Variants in CAPN3 observed in about 807,000 individuals in gnomAD.
The protein encoded by CAPN3 is calpain 3.
Under a neutral mutation model 114.0 loss-of-function variants are expected in CAPN3, and 88 were observed. The observed-to-expected ratio is 0.77, with a 90% CI of 0.65 to 0.92. The LOEUF (loss-of-function observed/expected upper bound fraction) is 0.92. CAPN3 is among the 40% of genes least tolerant of loss of function. The probability of loss-of-function intolerance (pLI) is 0.00; values close to 1 mark genes in which losing one functional copy is unlikely to be tolerated. For missense variants in CAPN3, 1,028 were observed against 1,069.0 expected, an observed-to-expected ratio of 0.96 and a Z score of 0.53; for synonymous variants, 386 against 382.9, an observed-to-expected ratio of 1.01 and a Z score of -0.09.
intron 2 of CAPN3, 170 bp from the exon 3 acceptor site, chr15:42,385,997 C>T: frequency 1.3e-6 from 1 of 748,384 alleles, no homozygotes; most frequent in Non-Finnish European, 2.5e-6. Context: ...AATTCCTGTC[C>T]AATTCTCCTT....
intron 8 of CAPN3, 62 bp downstream of exon 8, chr15:42,394,403 G>A (rs1036618568): frequency 1.0e-5 from 13 of 1,285,580 alleles, no homozygotes; most frequent in Non-Finnish European, 1.2e-5. Flanking sequence ...ACAAGGCTGT[G>A]TTGGGAACTG....
chr15:42,393,655 A>G (rs2053616366), intron 7 of CAPN3, among the ~76,000 whole-genome samples: 2 of 147,316 alleles, frequency 1.4e-5, no homozygotes, highest in South Asian at 4.3e-4. Flanking sequence ...GTGTAGTGGC[A>G]CAGTCTCGGC....
chr15:42,369,866 C>CT (rs1318171834), intron 1 of CAPN3, among the ~76,000 whole-genome samples: 8 of 137,936 alleles, frequency 5.8e-5, no homozygotes, highest in African/African-American at 1.5e-4. Context: ...TTCTTTCTTT[C>CT]TTTCTTTTTT....
chr15:42,401,591 T>C (rs1304867373), intron 10 of CAPN3, 50 bp from the exon 11 acceptor site: 4 of 1,544,852 alleles, frequency 2.6e-6, no homozygotes, highest in South Asian at 2.2e-5. Flanking sequence ...ATCCCCTTCC[T>C]GCCCTCTGAG....
At chr15:42,402,366 C>T (rs937071776) in intron 12 of CAPN3, 18 of 1,465,082 alleles carry the variant, frequency 1.2e-5, no homozygotes, top group Non-Finnish European at 1.5e-5. Context: ...CACTGCACGT[C>T]ACACACATGC....
chr15:42,395,660 G>C (rs1352564919), intron 8 of CAPN3, among the ~76,000 whole-genome samples: 1 of 152,184 alleles, frequency 6.6e-6, no homozygotes, highest in Non-Finnish European at 1.5e-5. Context: ...TCCAGCCTCA[G>C]AGCTTGGTGT....
At position 42,399,736 on chromosome 15, in the gene CAPN3, T is replaced by A. The variant is rs891955964; in HGVS notation, c.1354+84T>A. The A allele has an allele frequency of 4.3e-5, 50 of 1,149,540 alleles. 1 individual carries two copies. The highest frequency in any genetic ancestry group is 6.0e-5 in the Non-Finnish European group (49 of 813,588). The allele number at this position is 1,149,540 out of a possible 1,614,324, so 71.2% of individuals were successfully genotyped here. On this transcript the variant is annotated intron_variant, in intron 10 of 23. Coordinates refer to ENST00000397163, the MANE Select transcript of CAPN3 (RefSeq NM_000070.3). ...GCCTAACTAGTGCTTATTAAGTCTC[T>A]CTGTTCCAGACGTCCACTATCTTAT...
At chr15:42,406,500 CCT>C (rs1037165035) in intron 15 of CAPN3, among the ~76,000 whole-genome samples, 14 of 152,096 alleles carry the variant, frequency 9.2e-5, no homozygotes, top group African/African-American at 3.1e-4. Context: ...GGGGTCAGTC[CCT>C]CTCTTTTTTT....
chr15:42,366,851 T>TTTTG (rs2052797240), intron 1 of CAPN3, among the ~76,000 whole-genome samples: 1 of 149,346 alleles, frequency 6.7e-6, no homozygotes, highest in East Asian at 1.9e-4. Flanking sequence ...TTTTTTTTTT[T>TTTTG]GAGACAGGGT....
In CAPN3 at chr15:42,359,720, A is replaced by G. The variant is rs1289240159; in HGVS notation, c.-86A>G. 8 of 1,600,580 alleles carry G rather than the reference A, an allele frequency of 5.0e-6. No homozygotes were observed. In the Admixed American group the frequency reaches 1.4e-4, roughly 28 times the overall value. Reference sequence around the variant, plus strand: ...TCTCTCAGATGACAGAATTACTCCAACTTCCCCTTTGCAGTTGCTTCCTTT... The same window carrying G: ...TCTCTCAGATGACAGAATTACTCCAGCTTCCCCTTTGCAGTTGCTTCCTTT... On this transcript the variant is annotated 5_prime_UTR_variant, in exon 1 of 24. Coordinates refer to ENST00000397163, the MANE Select transcript of CAPN3 (RefSeq NM_000070.3).
At chr15:42,393,616 C>CG (rs1284027856) in intron 7 of CAPN3, among the ~76,000 whole-genome samples, 3 of 138,886 alleles carry the variant, frequency 2.2e-5, no homozygotes, top group African/African-American at 8.3e-5. Context: ...TTTTTTGAGA[C>CG]GGAGTCTCAC....
rs756657325 is a variant in CAPN3 at position 42,401,800 on chromosome 15, C to T, written c.1514C>T (p.Ala505Val). 9 of 1,613,304 alleles carry T rather than the reference C, an allele frequency of 5.6e-6. No individual in the cohort carries two copies. Among genetic ancestry groups the T allele is most frequent in the Middle Eastern group, 3.3e-4 (2 of 6,060 alleles). ...GCCAGTCTCTTCACCATTGGCTTCG[C>T]CATCTACGAGGTGTGCAGTCCTGAT... is the stretch of plus-strand genomic sequence containing the variant. The part of the protein sequence containing the change: ...LGASLFTIGF[A>V]IYEVPKEMHG... The change falls in exon 11 of 24, where the codon GCC becomes GTC. Residue 505 changes from alanine to valine, a missense_variant. By Grantham distance (64) the Ala-to-Val change is moderately conservative. Transcript: ENST00000397163.
intron 1 of CAPN3, among the ~76,000 whole-genome samples, chr15:42,361,676 C>A (rs1302916981): frequency 6.6e-6 from 1 of 152,136 alleles, no homozygotes; most frequent in African/African-American, 2.4e-5. Context: ...CCTCTCTCGG[C>A]CCCCACTGCC....
chr15:42,394,376 G>A lies in CAPN3; in HGVS notation c.1115+35G>A, dbSNP rs765694486. 25 of 1,496,032 alleles carry A rather than the reference G, an allele frequency of 1.7e-5. No individual in the cohort carries two copies. In the East Asian group the frequency reaches 2.0e-4, roughly 12 times the overall value. The allele number at this position is 1,496,032 out of a possible 1,614,324, so 92.7% of individuals were successfully genotyped here. ...GGGACCCCACGGGATTGGCGGTGGC[G>A]GGGAACAGGGTCCGGGACAAGGCTG... On this transcript the variant is annotated intron_variant, in intron 8 of 23. Coordinates refer to ENST00000397163, the MANE Select transcript of CAPN3 (RefSeq NM_000070.3).
intron 1 of CAPN3, among the ~76,000 whole-genome samples, chr15:42,372,457 C>G (rs1220595441): frequency 2.6e-5 from 4 of 152,192 alleles, no homozygotes; most frequent in Admixed American, 6.5e-5. Context: ...CTGCGCCCAG[C>G]CTGCCTTGAA....
intron 8 of CAPN3, among the ~76,000 whole-genome samples, chr15:42,396,426 A>G (rs1455544892): frequency 1.3e-5 from 2 of 152,056 alleles, no homozygotes; most frequent in African/African-American, 4.8e-5. Flanking sequence ...TATTTTTATT[A>G]GGACGGGGTT....
chr15:42,370,010 T>A (rs565634477), intron 1 of CAPN3, among the ~76,000 whole-genome samples: 2 of 151,938 alleles, frequency 1.3e-5, no homozygotes, highest in East Asian at 3.9e-4. Context: ...GTAGCTGAGA[T>A]TACAGGTGCC....
At chr15:42,393,946 C>A (rs572120487) in intron 7 of CAPN3, among the ~76,000 whole-genome samples, 2 of 152,178 alleles carry the variant, frequency 1.3e-5, no homozygotes, top group African/African-American at 4.8e-5. Flanking sequence ...TATGTGTTAG[C>A]AGGGCCCTAC....
chr15:42,394,400 T>C, intron 8 of CAPN3, 59 bp downstream of exon 8: 2 of 1,348,114 alleles, frequency 1.5e-6, no homozygotes, highest in South Asian at 2.5e-5. Flanking sequence ...GGGACAAGGC[T>C]GTGTTGGGAA....
Sources: gnomAD v4.1 joint callset for allele counts (sites outside exome capture counted in the v4.1 genomes callset) on GRCh38, gnomAD v4.1.1 for gene constraint, MANE v1.5 for transcripts, NCBI Gene and HGNC (gene_info 2026-07-23, HGNC 2026-07-21) for gene names.